The following PAPOLG variants were observed in gnomAD, a reference collection of about 807,000 sequenced individuals.
The protein encoded by PAPOLG is PAP-gamma.
In PAPOLG, 40 loss-of-function variants were observed where a neutral mutation model predicts 99.0. The ratio of observed to expected loss-of-function variants is 0.40; its 90% CI spans 0.31 to 0.53. The LOEUF (loss-of-function observed/expected upper bound fraction) is 0.53. PAPOLG is among the 20% of genes least tolerant of loss of function. The pLI is 0.41. For missense variants in PAPOLG, 675 were observed against 884.1 expected, an observed-to-expected ratio of 0.76 and a Z score of 3.00; for synonymous variants, 310 against 299.3, an observed-to-expected ratio of 1.04 and a Z score of -0.37.
At position 60,797,338 on chromosome 2, in the gene PAPOLG, ATTCT is replaced by A; in HGVS notation, c.*179_*182del. On this transcript the variant is annotated 3_prime_UTR_variant, in exon 22 of 22. Transcript: ENST00000238714. ...AACTTTGACCTGTAGATGCTGTAGC[ATTCT>A]CTCACTGATTGCTACATACACTTCT... is the stretch of plus-strand genomic sequence containing the variant. 8.8e-6 allele frequency: 6 copies of A among 684,454 alleles called. No homozygotes were observed. Among genetic ancestry groups the A allele is most frequent in the Non-Finnish European group, 1.5e-5 (6 of 408,514 alleles). The allele number at this position is 684,454 out of a possible 1,614,324, so 42.4% of individuals were successfully genotyped here. A position where few individuals can be genotyped will look rare whatever the true frequency, so the allele number is the denominator to read the frequency against.
At chr2:60,785,639 C>T (rs1671338645) in intron 13 of PAPOLG, among the ~76,000 whole-genome samples, 1 of 151,318 alleles carries the variant, frequency 6.6e-6, no homozygotes, top group Non-Finnish European at 1.5e-5. Flanking sequence ...CCTCCTGCCT[C>T]GGCTCCCCAA....
In PAPOLG at chr2:60,797,215, G is replaced by A. The variant is rs990095108; in HGVS notation, c.*55G>A. ...GCAATCATTTAGTGGCATAGATGCAGCCACTTGTTTTTTAAATAGAAGTGG... is the reference window on the plus strand; with the variant it reads ...GCAATCATTTAGTGGCATAGATGCAACCACTTGTTTTTTAAATAGAAGTGG... On this transcript the variant is annotated 3_prime_UTR_variant, in exon 22 of 22. Coordinates refer to ENST00000238714, the MANE Select transcript of PAPOLG (RefSeq NM_022894.4). 3.8e-6 allele frequency: 6 copies of A among 1,589,620 alleles called. No individual in the cohort carries two copies. The Admixed American group carries it at 5.0e-5, about 13-fold the overall frequency.
intron 8 of PAPOLG, among the ~76,000 whole-genome samples, chr2:60,777,498 C>T (rs1167147968): frequency 6.6e-6 from 1 of 152,052 alleles, no homozygotes; most frequent in African/African-American, 2.4e-5. Flanking sequence ...AGCAGTTTTA[C>T]TTTTTTTGTC....
intron 3 of PAPOLG, among the ~76,000 whole-genome samples, chr2:60,763,405 G>A (rs1217133760): frequency 6.6e-6 from 1 of 151,772 alleles, no homozygotes; most frequent in Non-Finnish European, 1.5e-5. Flanking sequence ...ATTTTTTATG[G>A]CTTTTTCCCC....
intron 12 of PAPOLG, 120 bp downstream of exon 12, chr2:60,782,890 T>C: frequency 1.6e-6 from 2 of 1,233,188 alleles, no homozygotes; most frequent in Non-Finnish European, 2.2e-6. Context: ...AGAGAATAGA[T>C]TAACAAAAAT....
At position 60,768,841 on chromosome 2, in the gene PAPOLG, A is replaced by G; in HGVS notation, c.389A>G (p.Gln130Arg). 1 of 1,603,416 alleles carries G rather than the reference A, an allele frequency of 6.2e-7. No homozygotes were observed. The highest frequency in any genetic ancestry group is 8.5e-7 in the Non-Finnish European group (1 of 1,174,098). ...CATGTGGAAAGATCTGATTTTTTTC[A>G]GTCTTTTTTTGAAAAATTGAAACAT... ...PRHVERSDFF[Q>R]SFFEKLKHQD... Residue 130 changes from glutamine (Q) to arginine (R), a missense_variant, in exon 5 of 22, where the codon CAG becomes CGG. Gln to Arg is a conservative substitution (Grantham distance 43, BLOSUM62 1). Around this residue, in one of 3 missense-constraint regions of PAPOLG, gnomAD observed 149 missense variants for 192.1 expected, o/e 0.78. Coordinates refer to ENST00000238714, the MANE Select transcript of PAPOLG (RefSeq NM_022894.4).
In PAPOLG at chr2:60,802,071, ATTGCT is replaced by A. The variant is rs1407895872; in HGVS notation, c.*4915_*4919del. The A allele has an allele frequency of 5.3e-5, 8 of 152,320 alleles. No individual in the cohort carries two copies. Among genetic ancestry groups the A allele is most frequent in the Non-Finnish European group, 1.2e-4 (8 of 68,004 alleles). The allele number at this position is 152,320 out of a possible 1,614,324, so 9.4% of individuals were successfully genotyped here. On this transcript the variant is annotated 3_prime_UTR_variant, in exon 22 of 22. Coordinates refer to ENST00000238714, the MANE Select transcript of PAPOLG (RefSeq NM_022894.4). The stretch of plus-strand genomic sequence containing the variant: ...TGCCTGGAATAAGTAATCAAATAAA[ATTGCT>A]TTGATAAATAGGTGATGATTGAGTG...
chr2:60,773,127 A>C (rs1239150961), intron 7 of PAPOLG, among the ~76,000 whole-genome samples: 1 of 152,100 alleles, frequency 6.6e-6, no homozygotes, highest in Non-Finnish European at 1.5e-5. Context: ...GGGTTTCTCC[A>C]TGTTGGTCAG....
In PAPOLG at chr2:60,797,219, C is replaced by G; in HGVS notation, c.*59C>G. ...TCATTTAGTGGCATAGATGCAGCCA[C>G]TTGTTTTTTAAATAGAAGTGGCTGT... On this transcript the variant is annotated 3_prime_UTR_variant, in exon 22 of 22. Transcript: ENST00000238714. 6.3e-7 allele frequency: 1 copy of G among 1,584,148 alleles called. No individual in the cohort carries two copies. The highest frequency in any genetic ancestry group is 8.7e-7 in the Non-Finnish European group (1 of 1,154,724).
chr2:60,790,248 T>C (rs1444150281), intron 15 of PAPOLG, among the ~76,000 whole-genome samples: 1 of 152,234 alleles, frequency 6.6e-6, no homozygotes, highest in Non-Finnish European at 1.5e-5. Flanking sequence ...CATAAATTTT[T>C]CCATTCTAAT....
At chr2:60,792,742 C>G (rs1038222078) in intron 17 of PAPOLG, among the ~76,000 whole-genome samples, 1 of 151,848 alleles carries the variant, frequency 6.6e-6, no homozygotes, top group Non-Finnish European at 1.5e-5. Context: ...CAAAAAAATA[C>G]AAAAATTAAT....
rs938195177 is a variant in PAPOLG at position 60,797,352 on chromosome 2, T to G, written c.*192T>G. ...GATGCTGTAGCATTCTCTCACTGAT[T>G]GCTACATACACTTCTCTGAGGATCA... On this transcript the variant is annotated 3_prime_UTR_variant, in exon 22 of 22. Coordinates refer to ENST00000238714, the MANE Select transcript of PAPOLG (RefSeq NM_022894.4). The G allele has an allele frequency of 3.1e-6, 2 of 635,256 alleles. No homozygotes were observed. The highest frequency in any genetic ancestry group is 3.7e-5 in the African/African-American group (2 of 54,502). 39.4% of individuals were successfully genotyped at this position (635,256 alleles called of 1,614,324 possible).
At position 60,766,018 on chromosome 2, in the gene PAPOLG, TATTC is replaced by T. The variant is rs1670665981; in HGVS notation, c.247-2448_247-2445del. 2.0e-5 allele frequency among the ~76,000 whole-genome samples: 3 copies of T among 152,204 alleles called. No individual in the cohort carries two copies. In the South Asian group the frequency reaches 6.2e-4, roughly 31 times the overall value. ...TTATTTGTGATACTCTTAACCTTAA[TATTC>T]ATTACACAGAAGCATTAACAAGGAT... On this transcript the variant is annotated intron_variant, in intron 3 of 21. Transcript: ENST00000238714.
intron 21 of PAPOLG, among the ~76,000 whole-genome samples, chr2:60,795,508 ATTACTT>A (rs1671669534): frequency 6.6e-6 from 1 of 152,188 alleles, no homozygotes; most frequent in Non-Finnish European, 1.5e-5. Flanking sequence ...TATTTGAAGA[ATTACTT>A]TTATAACTAA....
chr2:60,766,679 TA>T (rs35841274), intron 3 of PAPOLG, among the ~76,000 whole-genome samples: 37,064 of 131,830 alleles, frequency 0.28, 4,780 homozygotes, highest in Middle Eastern at 0.38. Context: ...TCCATCTGTT[TA>T]AAAAAAAAAA....
intron 11 of PAPOLG, 76 bp downstream of exon 11, chr2:60,782,081 A>T: frequency 7.0e-7 from 1 of 1,437,932 alleles, no homozygotes; most frequent in Non-Finnish European, 9.7e-7. Flanking sequence ...TGTTGCAGCT[A>T]TGGATTGGCA....
intron 3 of PAPOLG, among the ~76,000 whole-genome samples, chr2:60,767,869 T>G (rs894350346): frequency 7.9e-5 from 12 of 152,108 alleles, no homozygotes; most frequent in Non-Finnish European, 1.5e-5. Flanking sequence ...AGACAGGCAG[T>G]TGGAGGGGAC....
intron 21 of PAPOLG, among the ~76,000 whole-genome samples, chr2:60,796,481 G>A (rs1168695030): frequency 6.6e-6 from 1 of 151,898 alleles, no homozygotes; most frequent in Non-Finnish European, 1.5e-5. Context: ...AATGCCCTCA[G>A]AATCCCTCAA....
intron 19 of PAPOLG, 141 bp from the exon 20 acceptor site, chr2:60,794,564 CTAATT>C: frequency 2.9e-6 from 2 of 694,116 alleles, no homozygotes; most frequent in Non-Finnish European, 4.7e-6. Flanking sequence ...TGAATTCAAT[CTAATT>C]TAAATTATCT....
Sources: allele counts gnomAD v4.1 joint callset (sites outside exome capture counted in the v4.1 genomes callset), GRCh38; gene constraint gnomAD v4.1.1; regional missense constraint gnomAD v4.1.1; transcripts MANE v1.5; gene names NCBI Gene and HGNC (gene_info 2026-07-23, HGNC 2026-07-21).